The following PCLO variants were observed in gnomAD, a reference collection of about 807,000 sequenced individuals.
PCLO encodes the protein piccolo presynaptic cytomatrix protein, also known as protein piccolo.
PCLO carries 82 observed loss-of-function variants against 427.5 expected under a neutral mutation model. The observed-to-expected ratio is 0.19, with a 90% confidence interval of 0.16 to 0.23. PCLO has a LOEUF of 0.23. Among genes scored for constraint, PCLO ranks in the 10% least tolerant of loss-of-function variants. The probability of loss-of-function intolerance (pLI) is 1.00; values close to 1 mark genes in which losing one functional copy is unlikely to be tolerated. For synonymous variants in PCLO, 2,357 were observed against 2,155.4 expected, an observed-to-expected ratio of 1.09 and a Z score of -2.59; for missense variants, 6,239 against 6,115.9, an observed-to-expected ratio of 1.02 and a Z score of -0.67.
intron 3 of PCLO, among the ~76,000 whole-genome samples, chr7:83,080,993 A>C (rs1021764059): frequency 2.0e-5 from 3 of 151,956 alleles, no homozygotes; most frequent in African/African-American, 7.2e-5. Flanking sequence ...CTGTCTCTCA[A>C]AATATTGTAT....
chr7:83,153,218 T>G (rs1220972021), intron 2 of PCLO, among the ~76,000 whole-genome samples: 1 of 150,228 alleles, frequency 6.7e-6, no homozygotes, highest in Admixed American at 6.7e-5. Context: ...TATAAACATA[T>G]GTATATGTAT....
At chr7:83,137,718 C>A (rs150978714) in intron 2 of PCLO, among the ~76,000 whole-genome samples, 1 of 152,278 alleles carries the variant, frequency 6.6e-6, no homozygotes, top group Admixed American at 6.5e-5. Context: ...CAGGCATGAG[C>A]CACCACGCCC....
At chr7:83,131,094 T>C (rs1722011024) in intron 3 of PCLO, among the ~76,000 whole-genome samples, 1 of 152,260 alleles carries the variant, frequency 6.6e-6, no homozygotes, top group Non-Finnish European at 1.5e-5. Context: ...TTTCTCAGTA[T>C]GCTTCCAAAT....
At position 82,916,749 on chromosome 7, in the gene PCLO, A is replaced by C. The variant is rs750146569; in HGVS notation, c.11237T>G (p.Val3746Gly). The change falls in exon 7 of 25, where the codon GTT (valine) becomes GGT (glycine). Residue 3746 changes from valine to glycine, a missense_variant. Around this residue, in one of 5 missense-constraint regions of PCLO, gnomAD observed 4,677 missense variants for 4,468.4 expected, o/e 1.05. Coordinates refer to ENST00000333891, the MANE Select transcript of PCLO (RefSeq NM_033026.6). ...GGTTCTGCAGATCCTTCTCCTGGAA[A>C]CTGTGCCCATTGTGCTGAATGTGGA... ...TQSTFSTMGT[V>G]SRRRICRTNT... The C allele has an allele frequency of 5.6e-6, 9 of 1,613,624 alleles. No homozygotes were observed. The highest frequency in any genetic ancestry group is 1.7e-5 in the Admixed American group (1 of 59,952).
chr7:83,058,817 G>A (rs1419810080), intron 3 of PCLO, among the ~76,000 whole-genome samples: 1 of 152,036 alleles, frequency 6.6e-6, no homozygotes, highest in African/African-American at 2.4e-5. Flanking sequence ...CCTCCACGCA[G>A]GAAGCAAGGG....
At chr7:82,896,399 A>G (rs1394124160) in intron 9 of PCLO, among the ~76,000 whole-genome samples, 1 of 151,732 alleles carries the variant, frequency 6.6e-6, no homozygotes, top group African/African-American at 2.4e-5. Flanking sequence ...AGACACCAAA[A>G]CTGTATATTG....
At chr7:82,980,555 C>A (rs1004043082) in intron 3 of PCLO, among the ~76,000 whole-genome samples, 8 of 152,110 alleles carry the variant, frequency 5.3e-5, no homozygotes, top group Non-Finnish European at 8.8e-5. Context: ...TGATTGTGCT[C>A]AGTGGGCTTG....
At chr7:82,948,496 T>G (rs1795255318) in intron 6 of PCLO, among the ~76,000 whole-genome samples, 1 of 152,140 alleles carries the variant, frequency 6.6e-6, no homozygotes, top group Non-Finnish European at 1.5e-5. Flanking sequence ...AAAACCTACT[T>G]AGAAACTTCA....
At chr7:83,084,356 G>A (rs1034856735) in intron 3 of PCLO, among the ~76,000 whole-genome samples, 5 of 152,044 alleles carry the variant, frequency 3.3e-5, no homozygotes, top group African/African-American at 1.2e-4. Flanking sequence ...CCGGTAGCAG[G>A]AGATTGGGAG....
intron 3 of PCLO, among the ~76,000 whole-genome samples, chr7:82,970,892 C>T (rs1795887078): frequency 6.6e-6 from 1 of 151,712 alleles, no homozygotes; most frequent in African/African-American, 2.4e-5. Context: ...TATGGGTCAT[C>T]ATCATTATCA....
intron 3 of PCLO, among the ~76,000 whole-genome samples, chr7:83,007,093 T>A (rs41583): frequency 1.3e-5 from 2 of 151,452 alleles, no homozygotes; most frequent in Non-Finnish European, 3.0e-5. Context: ...GACCATTGCC[T>A]GTAAATTAGT....
At chr7:83,002,379 C>T (rs1329632731) in intron 3 of PCLO, among the ~76,000 whole-genome samples, 2 of 151,760 alleles carry the variant, frequency 1.3e-5, no homozygotes, top group Non-Finnish European at 2.9e-5. Context: ...GTTTCTTTTG[C>T]ATCTAAATTT....
chr7:82,791,683 G>T (rs370128216), intron 22 of PCLO, among the ~76,000 whole-genome samples: 1 of 151,988 alleles, frequency 6.6e-6, no homozygotes, highest in East Asian at 1.9e-4. Flanking sequence ...CTGTAAAACT[G>T]GTTCCTTAAG....
chr7:82,974,664 T>C (rs554137143), intron 3 of PCLO, among the ~76,000 whole-genome samples: 3 of 152,304 alleles, frequency 2.0e-5, no homozygotes, highest in African/African-American at 7.2e-5. Flanking sequence ...ATAAAAATAA[T>C]CAATAGTTTT....
chr7:82,866,306 G>A (rs1033241320), intron 10 of PCLO, among the ~76,000 whole-genome samples: 7 of 151,496 alleles, frequency 4.6e-5, no homozygotes, highest in Admixed American at 1.3e-4. Flanking sequence ...TCTCCTTAGC[G>A]TTTATTATCG....
chr7:83,093,493 T>TA (rs61169701), intron 3 of PCLO, among the ~76,000 whole-genome samples: 3,876 of 63,024 alleles, frequency 0.062, 301 homozygotes, highest in African/African-American at 0.25. Flanking sequence ...TATATATATA[T>TA]TTTTTTTTTT....
At chr7:83,004,281 A>T (rs2115943678) in intron 3 of PCLO, among the ~76,000 whole-genome samples, 1 of 151,926 alleles carries the variant, frequency 6.6e-6, no homozygotes, top group Admixed American at 6.6e-5. Context: ...TGATAGTCAA[A>T]ACAGTCTGGT....
chr7:82,909,042 T>C (rs778863721), intron 7 of PCLO, 29 bp from the exon 8 acceptor site: 27 of 1,609,480 alleles, frequency 1.7e-5, no homozygotes, highest in Non-Finnish European at 2.2e-5. Flanking sequence ...CATCATACAT[T>C]GCAACGGCAA....
At chr7:83,068,121 A>C (rs1789713752) in intron 3 of PCLO, among the ~76,000 whole-genome samples, 3 of 152,160 alleles carry the variant, frequency 2.0e-5, no homozygotes, top group Non-Finnish European at 4.4e-5. Flanking sequence ...GATTTTATAC[A>C]CACTAAACCA....
Sources: allele counts gnomAD v4.1 joint callset (sites outside exome capture counted in the v4.1 genomes callset), GRCh38; gene constraint gnomAD v4.1.1; regional missense constraint gnomAD v4.1.1; transcripts MANE v1.5; gene names NCBI Gene and HGNC (gene_info 2026-07-23, HGNC 2026-07-21).